The following GALNT10 variants were observed in gnomAD, a reference collection of about 807,000 sequenced individuals.
GALNT10 encodes GalNAc transferase 10.
Under a neutral mutation model 75.0 loss-of-function variants are expected in GALNT10, and 41 were observed. The observed-to-expected ratio is 0.55, with a 90% CI of 0.43 to 0.71. GALNT10 has a LOEUF of 0.71. Among genes scored for constraint, GALNT10 ranks in the 30% least tolerant of loss-of-function variants. The pLI, the probability that GALNT10 is intolerant of heterozygous loss-of-function variation, is 0.00. For missense variants in GALNT10, 727 were observed against 818.5 expected (o/e 0.89, Z 1.36); for synonymous variants, 302 against 313.0 (o/e 0.96, Z 0.37).
chr5:154,405,806 T>G (rs1384537514), intron 8 of GALNT10, among the ~76,000 whole-genome samples: 1 of 151,446 alleles, frequency 6.6e-6, no homozygotes, highest in East Asian at 2.0e-4. Flanking sequence ...TGTGTGCCAC[T>G]GCACTCCAGC....
At chr5:154,230,021 A>C (rs558333298) in intron 1 of GALNT10, among the ~76,000 whole-genome samples, 1 of 147,640 alleles carries the variant, frequency 6.8e-6, no homozygotes, top group Non-Finnish European at 1.5e-5. Flanking sequence ...TCTCACTCTC[A>C]AGGGATCTTC....
chr5:154,243,216 G>A (rs1753365684), intron 1 of GALNT10, among the ~76,000 whole-genome samples: 1 of 152,136 alleles, frequency 6.6e-6, no homozygotes, highest in Admixed American at 6.5e-5. Flanking sequence ...AGTGTGCCTG[G>A]TACACTGTCA....
At chr5:154,338,880 T>C (rs1010512253) in intron 4 of GALNT10, among the ~76,000 whole-genome samples, 4 of 152,202 alleles carry the variant, frequency 2.6e-5, no homozygotes, top group Non-Finnish European at 5.9e-5. Flanking sequence ...TCTTCTGAAC[T>C]GACTGACCCA....
chr5:154,218,726 G>T (rs961331477), intron 1 of GALNT10, among the ~76,000 whole-genome samples: 1 of 151,984 alleles, frequency 6.6e-6, no homozygotes, highest in African/African-American at 2.4e-5. Flanking sequence ...GACAGAATTG[G>T]GGGGAGAGGG....
At chr5:154,209,991 A>T (rs940309867) in intron 1 of GALNT10, among the ~76,000 whole-genome samples, 2 of 152,244 alleles carry the variant, frequency 1.3e-5, no homozygotes, top group Admixed American at 1.3e-4. Context: ...AGGCTTTGTC[A>T]CTAAATGAGT....
intron 4 of GALNT10, chr5:154,338,336 A>G (rs755956277): frequency 5.8e-5 from 29 of 504,336 alleles, no homozygotes; most frequent in Non-Finnish European, 9.9e-5. Context: ...AAAATGCTCA[A>G]AAATTTGAGG....
chr5:154,190,914 G>C lies in GALNT10; in HGVS notation c.48G>C (p.Leu16=). The C allele has an allele frequency of 6.7e-7, 1 of 1,487,982 alleles. No individual in the cohort carries two copies. Among genetic ancestry groups the C allele is most frequent in the Non-Finnish European group, 8.9e-7 (1 of 1,118,972 alleles). 92.2% of individuals were successfully genotyped at this position (1,487,982 alleles called of 1,614,324 possible). A position where few individuals can be genotyped will look rare whatever the true frequency, so the allele number is the denominator to read the frequency against. Residue 16 remains leucine (L), a synonymous_variant, in exon 1 of 12, where the codon CTG becomes CTC. Coordinates refer to ENST00000297107, the MANE Select transcript of GALNT10 (RefSeq NM_198321.4). ...TCCTGCAGGCGGTGGCGCTGGTGCT[G>C]GCGGCCCTGGTCCTCCTGCCCAACG... is the stretch of plus-strand genomic sequence containing the variant. ...KRLLQAVALV[L]AALVLLPNVG...
chr5:154,270,886 C>T (rs972857945), intron 1 of GALNT10, among the ~76,000 whole-genome samples: 4 of 149,782 alleles, frequency 2.7e-5, no homozygotes, highest in African/African-American at 9.8e-5. Context: ...CCCAGCTACT[C>T]GGGAGGCTGA....
intron 1 of GALNT10, among the ~76,000 whole-genome samples, chr5:154,230,230 C>A (rs1276654000): frequency 6.6e-6 from 1 of 152,186 alleles, no homozygotes; most frequent in Admixed American, 6.5e-5. Context: ...ATGTGATGCT[C>A]AAACTCCTAT....
chr5:154,246,777 G>A (rs1400164637), intron 1 of GALNT10, among the ~76,000 whole-genome samples: 1 of 152,104 alleles, frequency 6.6e-6, no homozygotes, highest in Non-Finnish European at 1.5e-5. Flanking sequence ...CACTCTGATG[G>A]TAGTTTCTTT....
At chr5:154,306,659 A>G (rs1226292913) in intron 3 of GALNT10, among the ~76,000 whole-genome samples, 2 of 152,140 alleles carry the variant, frequency 1.3e-5, no homozygotes, top group Admixed American at 1.3e-4. Flanking sequence ...AACAGAAGAA[A>G]GGATGTGAAA....
chr5:154,277,574 C>A (rs1017144024), intron 1 of GALNT10, among the ~76,000 whole-genome samples: 1 of 152,066 alleles, frequency 6.6e-6, no homozygotes, highest in African/African-American at 2.4e-5. Context: ...TTCCTAAACT[C>A]TAGAATGAAA....
chr5:154,201,315 G>T (rs1775025228), intron 1 of GALNT10, among the ~76,000 whole-genome samples: 1 of 152,068 alleles, frequency 6.6e-6, no homozygotes, highest in Non-Finnish European at 1.5e-5. Context: ...AAAAACTGAG[G>T]TTCAAAGAGC....
Position 154,409,419 on chromosome 5 carries a change from G to A in GALNT10, c.1165-122G>A, listed in dbSNP as rs773623593. 1 of 771,064 alleles carries A rather than the reference G, an allele frequency of 1.3e-6. No homozygotes were observed. The highest frequency in any genetic ancestry group is 2.4e-6 in the Non-Finnish European group (1 of 419,120). The allele number at this position is 771,064 out of a possible 1,614,324, so 47.8% of individuals were successfully genotyped here. ...AAGGCCTAAACTCACGGTGGGGCTG[G>A]GATTTTTGATGGAACATAAAATAAG... On this transcript the variant is annotated intron_variant, in intron 8 of 11. Transcript: ENST00000297107. This position sits in a 1 kb window ranked among gnomAD's most constrained non-coding sequence, Gnocchi z 4.5.
chr5:154,293,613 A>ATTTTTTTTTTTTTTTTTTTTTTTTTTT, intron 1 of GALNT10, among the ~76,000 whole-genome samples: 1 of 109,352 alleles, frequency 9.1e-6, no homozygotes, highest in Non-Finnish European at 1.9e-5. Flanking sequence ...ATATATATAT[A>ATTTTTTTTTTTTTTTTTTTTTTTTTTT]TTTTTTTTTT....
chr5:154,412,846 T>TAAGGCACCTC lies in GALNT10; in HGVS notation c.1387-41_1387-32dup, dbSNP rs1561687698. On this transcript the variant is annotated intron_variant, in intron 9 of 11. Transcript: ENST00000297107. This position sits in a 1 kb window ranked among gnomAD's most constrained non-coding sequence, Gnocchi z 4.2. Reference sequence around the variant, plus strand: ...CCTGGCAGGGACCCGGTGGGCACCTTAAGGCACCTCAGTGGTCCACTTCTT... The same window carrying TAAGGCACCTC: ...CCTGGCAGGGACCCGGTGGGCACCTTAAGGCACCTCAAGGCACCTCAGTGGTCCACTTCTT... 5 of 1,397,510 alleles carry TAAGGCACCTC rather than the reference T, an allele frequency of 3.6e-6. No individual in the cohort carries two copies. In the East Asian group the frequency reaches 9.1e-5, roughly 25 times the overall value. 86.6% of individuals were successfully genotyped at this position (1,397,510 alleles called of 1,614,324 possible).
At chr5:154,329,769 T>C (rs941840927) in intron 4 of GALNT10, 31 bp downstream of exon 4, 1 of 1,512,662 alleles carries the variant, frequency 6.6e-7, no homozygotes, top group Non-Finnish European at 9.1e-7. Flanking sequence ...CCTCCCACCC[T>C]CTGTGCTTCA....
chr5:154,396,316 C>A (rs533932163), intron 7 of GALNT10, among the ~76,000 whole-genome samples: 4 of 152,268 alleles, frequency 2.6e-5, no homozygotes, highest in African/African-American at 9.6e-5. Context: ...GAATGCATTG[C>A]GGCCAGTTGT....
In GALNT10 at chr5:154,348,235, A is replaced by G. The variant is rs1755157403; in HGVS notation, c.568+18497A>G. 7.2e-5 allele frequency among the ~76,000 whole-genome samples: 11 copies of G among 152,290 alleles called. 1 individual carries two copies. In the South Asian group the frequency reaches 2.3e-3, roughly 32 times the overall value. ...CATTTGTTTCTCTTCTGTCATTTGC[A>G]TTTTGATGGACAGCCATATGTTTGG... is the stretch of plus-strand genomic sequence containing the variant. On this transcript the variant is annotated intron_variant, in intron 4 of 11. Coordinates refer to ENST00000297107, the MANE Select transcript of GALNT10 (RefSeq NM_198321.4).
Sources: gnomAD v4.1 joint callset for allele counts (sites outside exome capture counted in the v4.1 genomes callset) on GRCh38, gnomAD v4.1.1 for gene constraint, Gnocchi (gnomAD v3.1) non-coding constraint, MANE v1.5 for transcripts, NCBI Gene and HGNC (gene_info 2026-07-23, HGNC 2026-07-21) for gene names.